NSUN2: variants seen among roughly 807,000 people sequenced by gnomAD.
NSUN2 encodes the protein NOP2/Sun RNA methyltransferase 2.
In NSUN2, 63 loss-of-function variants were observed where a neutral mutation model predicts 92.7. The observed-to-expected ratio is 0.68, with a 90% CI of 0.56 to 0.84. The LOEUF is 0.84. Ranked by LOEUF, NSUN2 falls within the 40% of genes least tolerant of loss-of-function variation. The pLI is 0.00. For synonymous variants in NSUN2, 356 were observed against 348.3 expected (o/e 1.02, Z -0.25); for missense variants, 989 against 964.9 (o/e 1.02, Z -0.33).
chr5:6,629,711 T>C (rs888035163), intron 3 of NSUN2, among the ~76,000 whole-genome samples: 18 of 152,212 alleles, frequency 1.2e-4, no homozygotes, highest in Admixed American at 5.2e-4. Context: ...TGAATTGTAA[T>C]ATTCCCCACG....
chr5:6,632,870 G>A lies in NSUN2; in HGVS notation c.96+14C>T, dbSNP rs1403711734. ...GAGGAGCCCCTGGCCCGCCCGCCGGGTCCCGGCTCCTACCGCCTCGCCGCG... is the reference window on the plus strand; with the variant it reads ...GAGGAGCCCCTGGCCCGCCCGCCGGATCCCGGCTCCTACCGCCTCGCCGCG... On this transcript the variant is annotated intron_variant, in intron 1 of 18. Transcript: ENST00000264670. The A allele has an allele frequency of 6.5e-7, 1 of 1,535,252 alleles. No individual in the cohort carries two copies. Among genetic ancestry groups the A allele is most frequent in the South Asian group, 1.2e-5 (1 of 84,296 alleles).
Position 6,632,082 on chromosome 5 carries a change from T to C in NSUN2, c.255-105A>G, listed in dbSNP as rs1433957476. 3.6e-6 allele frequency: 3 copies of C among 840,632 alleles called. No individual in the cohort carries two copies. The East Asian group carries it at 7.4e-5, about 21-fold the overall frequency. The allele number at this position is 840,632 out of a possible 1,614,324, so 52.1% of individuals were successfully genotyped here. On this transcript the variant is annotated intron_variant, in intron 2 of 18. Coordinates refer to ENST00000264670, the MANE Select transcript of NSUN2 (RefSeq NM_017755.6). ...AGTGTTTTAAAACTAAAACCAACTT[T>C]TGCATGGAGAGTAAACATTCTTTAG... is the stretch of plus-strand genomic sequence containing the variant.
rs140035237 is a variant in NSUN2 at position 6,602,483 on chromosome 5, G to A, written c.1975C>T (p.Leu659=). The A allele has an allele frequency of 1.9e-6, 3 of 1,614,006 alleles. No individual in the cohort carries two copies. Among genetic ancestry groups the A allele is most frequent in the Non-Finnish European group, 1.7e-6 (2 of 1,180,040 alleles). ...AKDLAKGSIV[L]KYEPDSANPD... is the part of the protein sequence containing the mutation. ...TACGCAGAATCTGGTTCATACTTCA[G>A]CACGATGCTTCCCTTTGCTGGAAAA... The change falls in exon 18 of 19, where the codon CTG becomes TTG. Residue 659 remains leucine, a synonymous_variant. Transcript: ENST00000264670.
At position 6,607,255 on chromosome 5, in the gene NSUN2, C is replaced by G. The variant is rs572076762; in HGVS notation, c.1453G>C (p.Ala485Pro). ...TTCTCTAAATCCTCAGTTGCATGAGCTATTTCTGTGTCACCAGTTCCTGTG... is the reference window on the plus strand; with the variant it reads ...TTCTCTAAATCCTCAGTTGCATGAGGTATTTCTGTGTCACCAGTTCCTGTG... ...SFTGTGDTEIAHATEDLENNG... is the reference protein window; with the variant it reads ...SFTGTGDTEIPHATEDLENNG... Residue 485 changes from alanine to proline, a missense_variant, in exon 13 of 19, where the codon GCT becomes CCT. Transcript: ENST00000264670. 64 of 1,614,214 alleles carry G rather than the reference C, an allele frequency of 4.0e-5. 1 individual carries two copies. In the South Asian group the frequency reaches 6.3e-4, roughly 16 times the overall value.
At chr5:6,626,365 T>C (rs1737656171) in intron 3 of NSUN2, among the ~76,000 whole-genome samples, 1 of 149,224 alleles carries the variant, frequency 6.7e-6, no homozygotes, top group Admixed American at 6.7e-5. Flanking sequence ...AAATGGGGGA[T>C]ACTAAAAACA....
chr5:6,600,995 C>T (rs1736531488), intron 18 of NSUN2, among the ~76,000 whole-genome samples: 1 of 151,616 alleles, frequency 6.6e-6, no homozygotes, highest in African/African-American at 2.4e-5. Context: ...CTGCACACGC[C>T]CTCTCTCAAC....
intron 1 of NSUN2, 28 bp from the exon 2 acceptor site, chr5:6,632,784 G>C (rs762201685): frequency 6.2e-7 from 1 of 1,605,198 alleles, no homozygotes; most frequent in Non-Finnish European, 8.5e-7. Context: ...CGTCTACCCC[G>C]AGGCCCAAGG....
At chr5:6,617,291 T>A (rs546332848) in intron 8 of NSUN2, among the ~76,000 whole-genome samples, 1 of 152,208 alleles carries the variant, frequency 6.6e-6, no homozygotes, top group Non-Finnish European at 1.5e-5. Context: ...CCTGCTATAG[T>A]TGGTTGTGGT....
intron 3 of NSUN2, among the ~76,000 whole-genome samples, chr5:6,628,392 C>A (rs1024979886): frequency 5.3e-5 from 8 of 152,082 alleles, no homozygotes; most frequent in African/African-American, 1.7e-4. Flanking sequence ...TAATAAGGTG[C>A]ACTCTGAACA....
At chr5:6,607,057 C>G in intron 13 of NSUN2, 143 bp downstream of exon 13, 1 of 994,142 alleles carries the variant, frequency 1.0e-6, no homozygotes, top group Non-Finnish European at 1.6e-6. Context: ...TCCACAGAGT[C>G]CAGCCCTCAC....
At chr5:6,604,335 A>G in intron 16 of NSUN2, 59 bp from the exon 17 acceptor site, 3 of 1,454,466 alleles carry the variant, frequency 2.1e-6, no homozygotes, top group South Asian at 2.5e-5. Flanking sequence ...GAACGACAAC[A>G]GCCTGCTCTC....
rs150785220 is a variant in NSUN2, at chr5:6,600,187, C to T, written c.2043G>A (p.Arg681=). The T allele has an allele frequency of 2.0e-4, 324 of 1,614,084 alleles. No individual in the cohort carries two copies. The highest frequency in any genetic ancestry group is 2.6e-4 in the Non-Finnish European group (309 of 1,180,040). ...LQCPIVLCGW[R]GKASIRTFVP... ...CAAAAGTTCGAATGGAGGCCTTTCCCCGCCATCCGCATAAGACGATGGGAC... is the reference window on the plus strand; with the variant it reads ...CAAAAGTTCGAATGGAGGCCTTTCCTCGCCATCCGCATAAGACGATGGGAC... Residue 681 remains arginine, a synonymous_variant, in exon 19 of 19, where the codon CGG becomes CGA. Transcript: ENST00000264670.
At position 6,620,170 on chromosome 5, in the gene NSUN2, T is replaced by C. The variant is rs901355679; in HGVS notation, c.751A>G (p.Ile251Val). Residue 251 changes from isoleucine to valine, a missense_variant, in exon 7 of 19, where the codon ATA becomes GTA. By Grantham distance (29) the Ile-to-Val change is conservative (BLOSUM62 3). Around this residue, in one of 3 missense-constraint regions of NSUN2, gnomAD observed 356 missense variants for 338.6 expected, o/e 1.05. Coordinates refer to ENST00000264670, the MANE Select transcript of NSUN2 (RefSeq NM_017755.6). The part of the protein sequence containing the change: ...HDASSIPRLQ[I>V]DVDGRKEILF... ...ATCTCTTTCCTGCCGTCCACATCTA[T>C]CTGGAGCCTGGGTATGCTGGAGGCA... 2 of 1,613,020 alleles carry C rather than the reference T, an allele frequency of 1.2e-6. No homozygotes were observed. Among genetic ancestry groups the C allele is most frequent in the Non-Finnish European group, 1.7e-6 (2 of 1,179,600 alleles).
chr5:6,620,410 A>G, intron 6 of NSUN2, 112 bp from the exon 7 acceptor site: 1 of 786,642 alleles, frequency 1.3e-6, no homozygotes, highest in Non-Finnish European at 1.9e-6. Context: ...CACCAAACTT[A>G]AGACCCACAG....
intron 2 of NSUN2, 61 bp downstream of exon 2, chr5:6,632,537 GT>G: frequency 6.4e-7 from 1 of 1,566,978 alleles, no homozygotes; most frequent in Non-Finnish European, 8.7e-7. Context: ...AGAAAACACC[GT>G]CGCCTTTAAC....
At chr5:6,619,169 GA>G (rs996988954) in intron 7 of NSUN2, among the ~76,000 whole-genome samples, 3 of 150,924 alleles carry the variant, frequency 2.0e-5, no homozygotes, top group Admixed American at 6.6e-5. Flanking sequence ...CAACCTAGAG[GA>G]AAAAAAAACT....
At chr5:6,609,354 A>G (rs1024175643) in intron 12 of NSUN2, among the ~76,000 whole-genome samples, 1 of 152,236 alleles carries the variant, frequency 6.6e-6, no homozygotes, top group Non-Finnish European at 1.5e-5. Context: ...TTAGATCCAT[A>G]GCAAACAGGC....
intron 17 of NSUN2, among the ~76,000 whole-genome samples, chr5:6,603,466 C>T (rs1211035036): frequency 6.6e-6 from 1 of 152,158 alleles, no homozygotes; most frequent in Admixed American, 6.5e-5. Context: ...CTGAGACAGG[C>T]AGATCACAAG....
intron 3 of NSUN2, among the ~76,000 whole-genome samples, chr5:6,631,630 G>A (rs1737899118): frequency 6.6e-6 from 1 of 152,244 alleles, no homozygotes; most frequent in African/African-American, 2.4e-5. Context: ...CATAAAGGAA[G>A]AGGCTGGATG....
Sources: gnomAD v4.1 joint callset for allele counts (sites outside exome capture counted in the v4.1 genomes callset) on GRCh38, gnomAD v4.1.1 for gene constraint, gnomAD v4.1.1 regional missense constraint, MANE v1.5 for transcripts, NCBI Gene and HGNC (gene_info 2026-07-23, HGNC 2026-07-21) for gene names.